Variants in PCBD2 observed in about 807,000 individuals in gnomAD.
The protein encoded by PCBD2 is pterin-4-alpha-carbinolamine dehydratase 2.
Under a neutral mutation model 16.4 loss-of-function variants are expected in PCBD2, and 12 were observed. The observed-to-expected ratio is 0.73, with a 90% CI of 0.47 to 1.19. The LOEUF (loss-of-function observed/expected upper bound fraction) is 1.19. Among genes scored for constraint, PCBD2 ranks in the 50% most tolerant of loss-of-function variants. The probability of loss-of-function intolerance (pLI) is 0.00; values close to 1 mark genes in which losing one functional copy is unlikely to be tolerated. For synonymous variants in PCBD2, 58 were observed against 61.8 expected (o/e 0.94, Z 0.29); for missense variants, 138 against 156.8 (o/e 0.88, Z 0.64).
intron 1 of PCBD2, among the ~76,000 whole-genome samples, chr5:134,907,455 C>T (rs1004111858): frequency 1.1e-4 from 16 of 152,026 alleles, no homozygotes; most frequent in African/African-American, 3.9e-4. Flanking sequence ...CTTGGCCAGG[C>T]TGGCCTCGAA....
chr5:134,927,760 T>G (rs1751032352), intron 2 of PCBD2: 1 of 397,696 alleles, frequency 2.5e-6, no homozygotes, highest in South Asian at 1.3e-4. Context: ...AGGTAGAGTT[T>G]TTTTCGTGAT....
intron 2 of PCBD2, among the ~76,000 whole-genome samples, chr5:134,930,190 GTC>G (rs1230494529): frequency 6.6e-6 from 1 of 152,292 alleles, no homozygotes; most frequent in Non-Finnish European, 1.5e-5. Flanking sequence ...GTTTACTCAT[GTC>G]TCTCTCCAGC....
intron 2 of PCBD2, chr5:134,926,911 G>C: frequency 2.5e-6 from 1 of 398,384 alleles, no homozygotes. Flanking sequence ...AGTTCTCCTA[G>C]TAGGTTAATA....
chr5:134,929,954 A>G (rs1751072357), intron 2 of PCBD2, among the ~76,000 whole-genome samples: 1 of 152,106 alleles, frequency 6.6e-6, no homozygotes. Flanking sequence ...CCACCCTCTC[A>G]AAGTATTGGG....
In PCBD2 at chr5:134,905,138, C is replaced by T; in HGVS notation, c.-2C>T. ...CGCGGGGCAGCCCTCGGCAGACGGC[C>T]AATGGCGGCGGTGCTCGGGGCGCTC... On this transcript the variant is annotated 5_prime_UTR_variant, in exon 1 of 4. Transcript: ENST00000254908. 2.5e-6 allele frequency: 3 copies of T among 1,218,734 alleles called. No individual in the cohort carries two copies. The highest frequency in any genetic ancestry group is 3.1e-6 in the Non-Finnish European group (3 of 979,948). 75.5% of individuals were successfully genotyped at this position (1,218,734 alleles called of 1,614,324 possible).
chr5:134,913,310 G>A (rs996906844), intron 2 of PCBD2, among the ~76,000 whole-genome samples: 1 of 152,200 alleles, frequency 6.6e-6, no homozygotes, highest in Non-Finnish European at 1.5e-5. Flanking sequence ...GGCACTCTTG[G>A]AGGTAGAGTG....
At chr5:134,948,568 T>C (rs929235066) in intron 2 of PCBD2, among the ~76,000 whole-genome samples, 1 of 152,196 alleles carries the variant, frequency 6.6e-6, no homozygotes, top group African/African-American at 2.4e-5. Context: ...TTGAAAGTCC[T>C]AATTCTGCAA....
chr5:134,925,148 G>T, intron 2 of PCBD2: 1 of 398,064 alleles, frequency 2.5e-6, no homozygotes, highest in South Asian at 1.3e-4. Context: ...GTGAGGGCTG[G>T]GAAGCGAGGC....
intron 2 of PCBD2, among the ~76,000 whole-genome samples, chr5:134,935,796 A>G (rs1000243045): frequency 3.3e-5 from 5 of 152,262 alleles, no homozygotes; most frequent in Admixed American, 1.3e-4. Context: ...TTGGCTTGGC[A>G]GTCATCTTGC....
At chr5:134,950,599 A>G (rs1246528183) in intron 2 of PCBD2, among the ~76,000 whole-genome samples, 4 of 152,212 alleles carry the variant, frequency 2.6e-5, no homozygotes, top group Admixed American at 1.3e-4. Context: ...CCCAAAGAAT[A>G]CTTGATTTGG....
At chr5:134,943,191 C>A (rs532757459) in intron 2 of PCBD2, among the ~76,000 whole-genome samples, 30 of 152,186 alleles carry the variant, frequency 2.0e-4, no homozygotes, top group African/African-American at 7.2e-4. Flanking sequence ...ACATTATAGC[C>A]CAGGGACAGG....
At chr5:134,924,117 A>G in intron 2 of PCBD2, 2 of 398,266 alleles carry the variant, frequency 5.0e-6, no homozygotes, top group Non-Finnish European at 8.9e-6. Context: ...AGCCCGTGCA[A>G]GAATAATGAT....
chr5:134,949,259 T>C (rs894441043), intron 2 of PCBD2, among the ~76,000 whole-genome samples: 4 of 152,130 alleles, frequency 2.6e-5, no homozygotes, highest in South Asian at 2.1e-4. Flanking sequence ...TTCTGAGCCT[T>C]GTAAAGGTGA....
intron 2 of PCBD2, chr5:134,927,632 T>G (rs550463795): frequency 1.3e-5 from 5 of 398,044 alleles, no homozygotes; most frequent in African/African-American, 1.0e-4. Flanking sequence ...GGTTGCCTCA[T>G]CGGGTGATGA....
chr5:134,906,992 G>A (rs1308737494), intron 1 of PCBD2, among the ~76,000 whole-genome samples: 1 of 152,170 alleles, frequency 6.6e-6, no homozygotes. Context: ...CCCAGTCCTG[G>A]GTGTGGTCCC....
rs573765668 is a variant in PCBD2 at position 134,907,140 on chromosome 5, T to C, written c.84+1917T>C. On this transcript the variant is annotated intron_variant, in intron 1 of 3. Transcript: ENST00000254908. ...GGTTCCTGCCTTATTACAGGCAGCA[T>C]GTTTAATGGTTTTCTTTGCAGCTAC... 3.9e-4 allele frequency among the ~76,000 whole-genome samples: 60 copies of C among 152,394 alleles called. 1 individual carries two copies. The highest frequency in any genetic ancestry group is 1.1e-3 in the Admixed American group (17 of 15,310).
intron 2 of PCBD2, among the ~76,000 whole-genome samples, chr5:134,958,418 C>CT (rs1193919961): frequency 6.6e-6 from 1 of 152,156 alleles, no homozygotes; most frequent in Non-Finnish European, 1.5e-5. Flanking sequence ...GGTGGGTGCA[C>CT]TGTCACCTTG....
chr5:134,915,903 T>C (rs1035972450), intron 2 of PCBD2, among the ~76,000 whole-genome samples: 3 of 152,196 alleles, frequency 2.0e-5, no homozygotes, highest in African/African-American at 7.2e-5. Context: ...TCTCCTGGCC[T>C]GAGCTCTACA....
At chr5:134,937,246 TATA>T (rs1437624324) in intron 2 of PCBD2, among the ~76,000 whole-genome samples, 1 of 152,226 alleles carries the variant, frequency 6.6e-6, no homozygotes, top group African/African-American at 2.4e-5. Flanking sequence ...TTTTGGCTAT[TATA>T]ATAATATGGT....
Sources: gnomAD v4.1 joint callset for allele counts (sites outside exome capture counted in the v4.1 genomes callset) on GRCh38, gnomAD v4.1.1 for gene constraint, MANE v1.5 for transcripts, NCBI Gene and HGNC (gene_info 2026-07-23, HGNC 2026-07-21) for gene names.